The following PM20D2 variants were observed in gnomAD, a reference collection of about 807,000 sequenced individuals.
PM20D2 encodes xaa-Arg dipeptidase.
In PM20D2, 33 loss-of-function variants were observed where a neutral mutation model predicts 42.9. The ratio of observed to expected loss-of-function variants is 0.77; its 90% CI spans 0.58 to 1.03. The LOEUF is 1.03. PM20D2 is among the 50% of genes least tolerant of loss of function. The pLI is 0.00. For missense variants in PM20D2, 548 were observed against 557.0 expected, an observed-to-expected ratio of 0.98 and a Z score of 0.16; for synonymous variants, 250 against 228.2, an observed-to-expected ratio of 1.10 and a Z score of -0.86.
the PM20D2 span, among the ~76,000 whole-genome samples, chr6:89,121,077 G>A: frequency 1.4e-3 from 211 of 152,098 alleles, no homozygotes; most frequent in Non-Finnish European, 2.8e-4. Context: ...AGCTTTTGTA[G>A]GAGTATCCAA....
the PM20D2 span, among the ~76,000 whole-genome samples, chr6:89,112,003 CAA>C: frequency 6.6e-6 from 1 of 152,166 alleles, no homozygotes; most frequent in African/African-American, 2.4e-5. Context: ...AAACATAACA[CAA>C]ATTTTAAAAC....
chr6:89,125,364 C>T, the PM20D2 span, among the ~76,000 whole-genome samples: 4 of 152,046 alleles, frequency 2.6e-5, no homozygotes, highest in African/African-American at 9.7e-5. Context: ...CCTGTAGTCC[C>T]AGCTACTCAG....
chr6:89,104,000 T>G, the PM20D2 span, among the ~76,000 whole-genome samples: 3 of 128,530 alleles, frequency 2.3e-5, no homozygotes, highest in African/African-American at 3.3e-5. Flanking sequence ...TCTTTTTTTT[T>G]TTTTTTTTTT....
chr6:89,105,599 A>G, the PM20D2 span: 2 of 1,130,502 alleles, frequency 1.8e-6, no homozygotes, highest in African/African-American at 3.2e-5. Context: ...CATTATTTAC[A>G]TGTGAAATGA....
At chr6:89,099,531 CAT>C in the PM20D2 span, among the ~76,000 whole-genome samples, 25 of 104,328 alleles carry the variant, frequency 2.4e-4, no homozygotes, top group African/African-American at 6.5e-4. Context: ...CACACACACA[CAT>C]ACATGTTTTT....
rs1436883449 is a variant in PM20D2 at position 89,153,070 on chromosome 6, A to T, written c.642A>T (p.Ala214=). 1 of 1,605,646 alleles carries T rather than the reference A, an allele frequency of 6.2e-7. No individual in the cohort carries two copies. The highest frequency in any genetic ancestry group is 8.5e-7 in the Non-Finnish European group (1 of 1,174,450). Residue 214 remains alanine (A), a synonymous_variant, in exon 3 of 7, where the codon GCA becomes GCT. Coordinates refer to ENST00000275072, the MANE Select transcript of PM20D2 (RefSeq NM_001010853.3). ...HDVTVKYYGK[A]SHSASYPWEG... The stretch of plus-strand genomic sequence containing the variant: ...TGACTGTGAAATACTATGGAAAAGC[A>T]TCTCATTCTGCTTCTTATCCCTGGG...
chr6:89,126,130 C>CA, the PM20D2 span, among the ~76,000 whole-genome samples: 1 of 151,598 alleles, frequency 6.6e-6, no homozygotes, highest in African/African-American at 2.4e-5. Flanking sequence ...CATGGTGTCT[C>CA]ATGCCTGTAG....
chr6:89,100,275 TTCAAAC>T, the PM20D2 span, among the ~76,000 whole-genome samples: 1 of 152,066 alleles, frequency 6.6e-6, no homozygotes, highest in Admixed American at 6.6e-5. Context: ...GAGATTAGAG[TTCAAAC>T]TCCCAAAAGG....
At chr6:89,130,374 T>C in the PM20D2 span, among the ~76,000 whole-genome samples, 1 of 147,556 alleles carries the variant, frequency 6.8e-6, no homozygotes, top group Non-Finnish European at 1.5e-5. Flanking sequence ...GCTGGGGTTA[T>C]AGGTGTAAGC....
intron 3 of PM20D2, 88 bp downstream of exon 3, chr6:89,153,273 T>C: frequency 9.0e-7 from 1 of 1,113,126 alleles, no homozygotes; most frequent in Non-Finnish European, 1.2e-6. Context: ...TTTAAAAATT[T>C]GGAAATATTT....
At position 89,149,276 on chromosome 6, in the gene PM20D2, G is replaced by A. The variant is rs144932553; in HGVS notation, c.477G>A (p.Leu159=). The A allele has an allele frequency of 1.5e-5, 25 of 1,613,602 alleles. No homozygotes were observed. Among genetic ancestry groups the A allele is most frequent in the African/African-American group, 2.7e-5 (2 of 74,870 alleles). The change falls in exon 2 of 7, where the codon CTG becomes CTA. Residue 159 remains leucine, a synonymous_variant. Transcript: ENST00000275072. ...RPPPPVKVVV[L]GTPAEEDGGG... ...GTATTTCCTTCTAGGTAGTTGTCCTGGGAACCCCTGCAGAAGAAGATGGTG... is the reference window on the plus strand; with the variant it reads ...GTATTTCCTTCTAGGTAGTTGTCCTAGGAACCCCTGCAGAAGAAGATGGTG...
Position 89,146,248 on chromosome 6 carries a change from C to G in PM20D2, c.104C>G (p.Ala35Gly), listed in dbSNP as rs1162988756. Residue 35 changes from alanine (A) to glycine (G), a missense_variant, in exon 1 of 7, where the codon GCC (alanine) becomes GGC (glycine). Ala to Gly is a moderately conservative substitution (Grantham distance 60). This residue lies in a region of PM20D2 where 470 missense variants were observed against 464.4 expected (regional missense o/e 1.01). Transcript: ENST00000275072. The stretch of plus-strand genomic sequence containing the variant: ...TCGGCGGAGTGCATCGACGAGGCGG[C>G]CGAGCGGCTGGGGGCCCTGAGCCGC... ...LRSAECIDEAAERLGALSRAI... is the reference protein window; with the variant it reads ...LRSAECIDEAGERLGALSRAI... 6.3e-7 allele frequency: 1 copy of G among 1,578,684 alleles called. No individual in the cohort carries two copies. Among genetic ancestry groups the G allele is most frequent in the Non-Finnish European group, 8.5e-7 (1 of 1,170,192 alleles).
At chr6:89,148,322 TAA>T (rs767294413) in intron 1 of PM20D2, among the ~76,000 whole-genome samples, 1 of 152,188 alleles carries the variant, frequency 6.6e-6, no homozygotes, top group Non-Finnish European at 1.5e-5. Flanking sequence ...TTAGCAAGGT[TAA>T]GTTATTAATT....
In PM20D2 at chr6:89,162,247, T is replaced by C. The variant is rs1297173932; in HGVS notation, c.1295T>C (p.Val432Ala). 2 of 1,613,462 alleles carry C rather than the reference T, an allele frequency of 1.2e-6. No homozygotes were observed. Among genetic ancestry groups the C allele is most frequent in the Non-Finnish European group, 1.7e-6 (2 of 1,179,738 alleles). ...FKLKLQEEQF[V>A]NAVE Reference sequence around the variant, plus strand: ...CTGAAACTTCAAGAAGAACAGTTTGTAAATGCAGTAGAATAAAAGACTTAG... The same window carrying C: ...CTGAAACTTCAAGAAGAACAGTTTGCAAATGCAGTAGAATAAAAGACTTAG... Residue 432 changes from valine (V) to alanine (A), a missense_variant, in exon 7 of 7, where the codon GTA (valine) becomes GCA (alanine). By Grantham distance (64) the Val-to-Ala change is moderately conservative (BLOSUM62 0). Transcript: ENST00000275072.
the PM20D2 span, among the ~76,000 whole-genome samples, chr6:89,100,196 G>C: frequency 6.6e-6 from 1 of 152,114 alleles, no homozygotes; most frequent in South Asian, 2.1e-4. Flanking sequence ...CAAGGGACCA[G>C]CAAAAAACCG....
the PM20D2 span, among the ~76,000 whole-genome samples, chr6:89,100,313 C>T: frequency 6.6e-6 from 1 of 152,160 alleles, no homozygotes; most frequent in South Asian, 2.1e-4. Context: ...CATTAGGTAA[C>T]AACCCAGAAG....
chr6:89,118,092 G>GT, the PM20D2 span: 2 of 116,606 alleles, frequency 1.7e-5, no homozygotes, highest in South Asian at 6.2e-4. Context: ...GCCGGGGGCG[G>GT]GGGCGGCGCC....
At chr6:89,124,795 GTGCAGTCATGGCTCAC>G in the PM20D2 span, among the ~76,000 whole-genome samples, 1 of 138,868 alleles carries the variant, frequency 7.2e-6, no homozygotes, top group Admixed American at 7.7e-5. Context: ...GAGTGCAGTG[GTGCAGTCATGGCTCAC>G]TGCAGCCCCA....
At chr6:89,155,300 G>A (rs570214889) in intron 4 of PM20D2, among the ~76,000 whole-genome samples, 57 of 138,910 alleles carry the variant, frequency 4.1e-4, no homozygotes, top group African/African-American at 1.5e-3. Flanking sequence ...GGGGGACAGG[G>A]TGTTGCTCTA....
Sources: allele counts gnomAD v4.1 joint callset (sites outside exome capture counted in the v4.1 genomes callset), GRCh38; gene constraint gnomAD v4.1.1; regional missense constraint gnomAD v4.1.1; transcripts MANE v1.5; gene names NCBI Gene and HGNC (gene_info 2026-07-23, HGNC 2026-07-21).